SHISA6: variants seen among roughly 807,000 people sequenced by gnomAD.
SHISA6 encodes the protein protein shisa-6.
Under a neutral mutation model 47.9 loss-of-function variants are expected in SHISA6, and 22 were observed. That is an observed-to-expected ratio of 0.46 (90% CI 0.33 to 0.66). The LOEUF is 0.66. SHISA6 is among the 30% of genes least tolerant of loss of function. The pLI, the probability that SHISA6 is intolerant of heterozygous loss-of-function variation, is 0.02. For missense variants in SHISA6, 680 were observed against 764.6 expected (o/e 0.89, Z 1.30); for synonymous variants, 388 against 337.8 (o/e 1.15, Z -1.63).
chr17:11,295,328 C>CACCT, intron 2 of SHISA6, among the ~76,000 whole-genome samples: 1 of 152,228 alleles, frequency 6.6e-6, no homozygotes, highest in South Asian at 2.1e-4. Context: ...GTTTATTGAG[C>CACCT]ACCTACTAAG....
At position 11,436,518 on chromosome 17, in the gene SHISA6, C is replaced by T. The variant is rs547834652; in HGVS notation, c.895+57009C>T. 2.3e-3 allele frequency among the ~76,000 whole-genome samples: 346 copies of T among 152,290 alleles called. 6 individuals carry two copies. Among genetic ancestry groups the T allele is most frequent in the Non-Finnish European group, 4.9e-4 (33 of 68,030 alleles). On this transcript the variant is annotated intron_variant, in intron 3 of 5. Coordinates refer to ENST00000441885, the MANE Select transcript of SHISA6 (RefSeq NM_207386.4). Reference sequence around the variant, plus strand: ...ACTCCACCACATCCCTATTCTTTATCAGATCTCTATTATTCACTTTAACAG... The same window carrying T: ...ACTCCACCACATCCCTATTCTTTATTAGATCTCTATTATTCACTTTAACAG...
At chr17:11,548,148 A>G (rs2071898105) in intron 3 of SHISA6, among the ~76,000 whole-genome samples, 1 of 152,140 alleles carries the variant, frequency 6.6e-6, no homozygotes, top group Non-Finnish European at 1.5e-5. Context: ...CTTATCTCTA[A>G]ACTGGCAATA....
intron 3 of SHISA6, among the ~76,000 whole-genome samples, chr17:11,476,297 T>C (rs2969218): frequency 0.27 from 41,183 of 151,920 alleles, 5,647 homozygotes; most frequent in Admixed American, 0.31. Context: ...ATTTCTGCTC[T>C]ATTTTTTATT....
chr17:11,387,999 A>G (rs1410756312), intron 3 of SHISA6, among the ~76,000 whole-genome samples: 1 of 152,144 alleles, frequency 6.6e-6, no homozygotes, highest in Non-Finnish European at 1.5e-5. Flanking sequence ...CTTTTCTCCT[A>G]GGAAGAAAGT....
chr17:11,273,724 G>A (rs1026519904), intron 2 of SHISA6, among the ~76,000 whole-genome samples: 1 of 152,148 alleles, frequency 6.6e-6, no homozygotes, highest in Non-Finnish European at 1.5e-5. Context: ...GGAGTGATGG[G>A]CAGCCTGCCC....
At chr17:11,416,934 GT>G (rs1165057580) in intron 3 of SHISA6, among the ~76,000 whole-genome samples, 8 of 152,026 alleles carry the variant, frequency 5.3e-5, no homozygotes, top group Non-Finnish European at 8.8e-5. Flanking sequence ...TCAAAACTAA[GT>G]TTACACAGAT....
rs181699944 is a variant in SHISA6, at chr17:11,273,865, T to C, written c.799+10339T>C. Among the ~76,000 whole-genome samples the C allele has an allele frequency of 2.3e-4, 35 of 152,178 alleles. 1 individual carries two copies. Among genetic ancestry groups the C allele is most frequent in the Admixed American group, 2.3e-3 (35 of 15,292 alleles). ...AGGGTCAGAGCCCAGGCGAAACTTA[T>C]GGCCAAATCACCATTCTGTTCTCAG... On this transcript the variant is annotated intron_variant, in intron 2 of 5. Coordinates refer to ENST00000441885, the MANE Select transcript of SHISA6 (RefSeq NM_207386.4).
chr17:11,295,963 C>CAAA (rs3034195), intron 2 of SHISA6, among the ~76,000 whole-genome samples: 1 of 91,382 alleles, frequency 1.1e-5, no homozygotes, highest in African/African-American at 4.5e-5. Flanking sequence ...GACTCCATCT[C>CAAA]AAAAAAAAAA....
At chr17:11,368,617 A>G (rs987135877) in intron 2 of SHISA6, among the ~76,000 whole-genome samples, 2 of 152,060 alleles carry the variant, frequency 1.3e-5, no homozygotes, top group African/African-American at 4.8e-5. Context: ...TGTGCTTTAT[A>G]TGAATTGTTG....
chr17:11,280,587 C>T (rs1909084954), intron 2 of SHISA6, among the ~76,000 whole-genome samples: 2 of 152,134 alleles, frequency 1.3e-5, no homozygotes, highest in African/African-American at 4.8e-5. Context: ...GCATACCAGG[C>T]CTAGTGCCAG....
chr17:11,507,862 A>G (rs2071512593), intron 3 of SHISA6, among the ~76,000 whole-genome samples: 2 of 152,190 alleles, frequency 1.3e-5, no homozygotes, highest in Admixed American at 6.5e-5. Context: ...TGTATTTCTC[A>G]TTGAAACATC....
chr17:11,346,151 T>C (rs1308750383), intron 2 of SHISA6, among the ~76,000 whole-genome samples: 1 of 152,172 alleles, frequency 6.6e-6, no homozygotes, highest in East Asian at 1.9e-4. Flanking sequence ...AGTGTTTTCA[T>C]CATGAAAGGG....
intron 3 of SHISA6, among the ~76,000 whole-genome samples, chr17:11,440,123 T>G (rs1269128053): frequency 6.6e-6 from 1 of 152,204 alleles, no homozygotes; most frequent in Non-Finnish European, 1.5e-5. Context: ...TGCTGAGCAC[T>G]GTACTAGGTC....
chr17:11,463,942 G>A (rs534055607), intron 3 of SHISA6, among the ~76,000 whole-genome samples: 1 of 152,168 alleles, frequency 6.6e-6, no homozygotes, highest in East Asian at 1.9e-4. Flanking sequence ...TTTGAGACAG[G>A]GTCTTGTTCT....
intron 3 of SHISA6, among the ~76,000 whole-genome samples, chr17:11,490,491 G>A (rs1288782214): frequency 2.0e-5 from 3 of 152,160 alleles, no homozygotes; most frequent in Non-Finnish European, 2.9e-5. Flanking sequence ...CCTCCCTGAT[G>A]CCTTTGCAAG....
intron 3 of SHISA6, among the ~76,000 whole-genome samples, chr17:11,493,581 GCA>G (rs34898125): frequency 5.4e-5 from 8 of 148,840 alleles, no homozygotes; most frequent in South Asian, 2.1e-4. Context: ...GCGTGCGCGC[GCA>G]CACACACACA....
rs1018353067 is a variant in SHISA6 at position 11,241,365 on chromosome 17, C to G, written c.-58C>G. On this transcript the variant is annotated 5_prime_UTR_variant, in exon 1 of 6. Transcript: ENST00000441885. This position sits in a 1 kb window ranked among gnomAD's most constrained non-coding sequence, Gnocchi z 5.5. ...GCGCGGCGGGTCCTCCGAGCCCGGCCCGCCGGGGGAGCGGCCTGCCGCGGA... is the reference window on the plus strand; with the variant it reads ...GCGCGGCGGGTCCTCCGAGCCCGGCGCGCCGGGGGAGCGGCCTGCCGCGGA... The G allele has an allele frequency of 9.6e-5, 97 of 1,008,116 alleles. No individual in the cohort carries two copies. The highest frequency in any genetic ancestry group is 1.1e-4 in the Non-Finnish European group (92 of 845,140). The allele number at this position is 1,008,116 out of a possible 1,614,324, so 62.4% of individuals were successfully genotyped here. A position where few individuals can be genotyped will look rare whatever the true frequency, so the allele number is the denominator to read the frequency against.
intron 3 of SHISA6, among the ~76,000 whole-genome samples, chr17:11,477,010 AT>A (rs1159189339): frequency 2.6e-5 from 4 of 152,158 alleles, no homozygotes; most frequent in Non-Finnish European, 1.5e-5. Context: ...TTTTTATGTA[AT>A]ACCTGTTCTT....
At chr17:11,390,389 C>A (rs1297718310) in intron 3 of SHISA6, among the ~76,000 whole-genome samples, 1 of 152,096 alleles carries the variant, frequency 6.6e-6, no homozygotes, top group East Asian at 1.9e-4. Flanking sequence ...GCAATGGTAG[C>A]CCTTCATGTT....
Sources: gnomAD v4.1 joint callset for allele counts (sites outside exome capture counted in the v4.1 genomes callset) on GRCh38, gnomAD v4.1.1 for gene constraint, Gnocchi (gnomAD v3.1) non-coding constraint, MANE v1.5 for transcripts, NCBI Gene and HGNC (gene_info 2026-07-23, HGNC 2026-07-21) for gene names.